KCNH1: variants seen among roughly 807,000 people sequenced by gnomAD.
KCNH1 encodes the protein potassium voltage-gated channel subfamily H member 1.
Under a neutral mutation model 69.2 loss-of-function variants are expected in KCNH1, and 27 were observed. The observed-to-expected ratio is 0.39, with a 90% CI of 0.29 to 0.54. The LOEUF (loss-of-function observed/expected upper bound fraction) is 0.54. KCNH1 is among the 20% of genes least tolerant of loss of function. KCNH1 has a pLI of 0.68. For missense variants in KCNH1, 798 were observed against 1,261.6 expected (o/e 0.63, Z 5.57); for synonymous variants, 456 against 487.7 (o/e 0.93, Z 0.86).
At chr1:210,742,490 G>A (rs570261956) in intron 10 of KCNH1, among the ~76,000 whole-genome samples, 32 of 152,286 alleles carry the variant, frequency 2.1e-4, no homozygotes, top group Non-Finnish European at 3.7e-4. Context: ...GAGGCAGGCC[G>A]CAGACCACTG....
In KCNH1 at chr1:211,018,873, G is replaced by A. The variant is rs774503488; in HGVS notation, c.942C>T (p.Asn314=). ...LPYDVINAFE[N]VDEVSAFMGD... ...CCATAAAGGCACTAACCTCATCCACGTTCTCAAAAGCGTTGATGACATCAT... is the reference window on the plus strand; with the variant it reads ...CCATAAAGGCACTAACCTCATCCACATTCTCAAAAGCGTTGATGACATCAT... Residue 314 remains asparagine, a synonymous_variant, in exon 6 of 11, where the codon AAC becomes AAT. Transcript: ENST00000271751. 3.0e-5 allele frequency: 48 copies of A among 1,613,902 alleles called. No individual in the cohort carries two copies. Among genetic ancestry groups the A allele is most frequent in the South Asian group, 1.9e-4 (17 of 91,084 alleles).
At chr1:210,800,545 C>G (rs1684407144) in intron 8 of KCNH1, among the ~76,000 whole-genome samples, 1 of 152,166 alleles carries the variant, frequency 6.6e-6, no homozygotes, top group Admixed American at 6.5e-5. Flanking sequence ...ACAGTGTGAG[C>G]AGGTGAGGGA....
chr1:211,022,326 CAAATGGATTAA>C (rs1474966673), intron 5 of KCNH1, among the ~76,000 whole-genome samples: 6 of 152,200 alleles, frequency 3.9e-5, no homozygotes, highest in Middle Eastern at 3.4e-3. Flanking sequence ...AAAATCAAAT[CAAATGGATTAA>C]AAATTTAAAT....
At chr1:210,746,002 C>T (rs938436789) in intron 10 of KCNH1, among the ~76,000 whole-genome samples, 1 of 152,152 alleles carries the variant, frequency 6.6e-6, no homozygotes, top group Non-Finnish European at 1.5e-5. Context: ...GCCCATTCTT[C>T]GAGAGCTGGG....
intron 6 of KCNH1, among the ~76,000 whole-genome samples, chr1:210,963,167 T>C (rs966771006): frequency 2.0e-5 from 3 of 151,100 alleles, no homozygotes; most frequent in Admixed American, 2.0e-4. Context: ...TTTTGGTAAC[T>C]GCCTTAAGAA....
chr1:210,834,860 C>A (rs1936732500), intron 7 of KCNH1, among the ~76,000 whole-genome samples: 1 of 151,980 alleles, frequency 6.6e-6, no homozygotes, highest in Non-Finnish European at 1.5e-5. Context: ...TCACCAAATG[C>A]AGATTCTGAT....
intron 6 of KCNH1, among the ~76,000 whole-genome samples, chr1:210,934,414 T>G (rs10779546): frequency 0.76 from 116,308 of 152,190 alleles, 45,221 homozygotes; most frequent in East Asian, 0.89. Flanking sequence ...CAGCACTTTG[T>G]GGGGCCAAGG....
chr1:210,738,675 C>T (rs1326863695), intron 10 of KCNH1, among the ~76,000 whole-genome samples: 2 of 150,416 alleles, frequency 1.3e-5, no homozygotes, highest in Admixed American at 6.7e-5. Context: ...AGGACTCCTC[C>T]TCCTGTCTCA....
chr1:211,090,286 G>A (rs1472008473), intron 4 of KCNH1, among the ~76,000 whole-genome samples: 1 of 152,196 alleles, frequency 6.6e-6, no homozygotes, highest in Non-Finnish European at 1.5e-5. Flanking sequence ...GATACTAGTT[G>A]CCAAACTGTC....
intron 5 of KCNH1, among the ~76,000 whole-genome samples, chr1:211,047,203 C>T (rs916996103): frequency 6.6e-6 from 1 of 152,182 alleles, no homozygotes; most frequent in Non-Finnish European, 1.5e-5. Flanking sequence ...GTGGTTACCA[C>T]ACTGAACAGC....
rs115038392 is a variant in KCNH1, at chr1:210,819,721, T to C, written c.1463-15555A>G. Among the ~76,000 whole-genome samples, 455 of 152,344 alleles carry C rather than the reference T, an allele frequency of 3.0e-3. 3 individuals are homozygous for C. Among genetic ancestry groups the C allele is most frequent in the African/African-American group, 0.01 (429 of 41,594 alleles). Reference sequence around the variant, plus strand: ...TCATTGGCTTCCACTCTTCTGTTAATAGTGTTGTTGTTGATGAAATTCTCT... The same window carrying C: ...TCATTGGCTTCCACTCTTCTGTTAACAGTGTTGTTGTTGATGAAATTCTCT... On this transcript the variant is annotated intron_variant, in intron 7 of 10. Transcript: ENST00000271751.
chr1:210,773,229 T>C (rs78205715), intron 10 of KCNH1, among the ~76,000 whole-genome samples: 4,090 of 152,228 alleles, frequency 0.027, 192 homozygotes, highest in African/African-American at 0.093. Flanking sequence ...TGGATGCACA[T>C]TTCTCCACCA....
At chr1:211,051,515 C>T (rs947721968) in intron 5 of KCNH1, among the ~76,000 whole-genome samples, 1 of 152,090 alleles carries the variant, frequency 6.6e-6, no homozygotes, top group African/African-American at 2.4e-5. Flanking sequence ...TAGGAAGTAG[C>T]CCAGCCAACA....
intron 6 of KCNH1, among the ~76,000 whole-genome samples, chr1:211,015,998 AAG>A (rs1689484108): frequency 6.6e-6 from 1 of 152,226 alleles, no homozygotes; most frequent in Admixed American, 6.5e-5. Flanking sequence ...AGGTGATAGT[AAG>A]AGCTTTGATT....
At chr1:210,950,543 T>C (rs369767534) in intron 6 of KCNH1, among the ~76,000 whole-genome samples, 1 of 151,470 alleles carries the variant, frequency 6.6e-6, no homozygotes, top group Non-Finnish European at 1.5e-5. Context: ...ACAAAGGACA[T>C]GAACTCATCA....
At chr1:210,915,569 G>C (rs1335620445) in intron 7 of KCNH1, among the ~76,000 whole-genome samples, 1 of 147,328 alleles carries the variant, frequency 6.8e-6, no homozygotes, top group African/African-American at 2.5e-5. Flanking sequence ...GCAGAAGCTG[G>C]CTTGCCCCTG....
intron 5 of KCNH1, among the ~76,000 whole-genome samples, chr1:211,075,148 G>C (rs1409371402): frequency 2.6e-5 from 4 of 152,206 alleles, no homozygotes; most frequent in Admixed American, 1.3e-4. Flanking sequence ...AGAAGCAGCA[G>C]AGAAAGTACA....
intron 6 of KCNH1, among the ~76,000 whole-genome samples, chr1:211,002,313 CGT>C (rs1185155967): frequency 2.2e-5 from 3 of 133,746 alleles, no homozygotes; most frequent in African/African-American, 5.8e-5. Flanking sequence ...TACATGTATA[CGT>C]GTATATATAT....
rs1360005896 is a variant in KCNH1 at position 210,797,686 on chromosome 1, G to A, written c.1737C>T (p.His579=). Residue 579 remains histidine, a synonymous_variant, in exon 9 of 11, where the codon CAC becomes CAT. Coordinates refer to ENST00000271751, the MANE Select transcript of KCNH1 (RefSeq NM_172362.3). ...VHLNRKVFKE[H]PAFRLASDGC... ...CATCACTGGCCAGCCGGAAGGCCGG[G>A]TGCTCCTTGAACACCTTGCGGTTCA... is the stretch of plus-strand genomic sequence containing the variant. 6.2e-7 allele frequency: 1 copy of A among 1,614,230 alleles called. No individual in the cohort carries two copies. The highest frequency in any genetic ancestry group is 1.1e-5 in the South Asian group (1 of 91,084).
Sources: gnomAD v4.1 joint callset for allele counts (sites outside exome capture counted in the v4.1 genomes callset) on GRCh38, gnomAD v4.1.1 for gene constraint, MANE v1.5 for transcripts, NCBI Gene and HGNC (gene_info 2026-07-23, HGNC 2026-07-21) for gene names.